EPHA6: variants seen among roughly 807,000 people sequenced by gnomAD.
EPHA6 encodes the protein EPH receptor A6.
A neutral mutation model predicts 112.0 loss-of-function variants in EPHA6; 50 were observed. The ratio of observed to expected loss-of-function variants is 0.45; its 90% CI spans 0.36 to 0.56. EPHA6 has a LOEUF of 0.56. Among genes scored for constraint, EPHA6 ranks in the 20% least tolerant of loss-of-function variants. EPHA6 has a pLI of 0.00. For synonymous variants in EPHA6, 529 were observed against 490.7 expected (o/e 1.08, Z -1.03); for missense variants, 1,280 against 1,417.4 (o/e 0.90, Z 1.56).
chr3:96,958,221 C>T (rs566722412), intron 2 of EPHA6, among the ~76,000 whole-genome samples: 4 of 150,196 alleles, frequency 2.7e-5, no homozygotes, highest in South Asian at 4.3e-4. Context: ...ACCCGGGAGG[C>T]GGAGGTTGCA....
intron 3 of EPHA6, among the ~76,000 whole-genome samples, chr3:97,215,092 A>G (rs1284549134): frequency 6.6e-6 from 1 of 152,234 alleles, no homozygotes; most frequent in African/African-American, 2.4e-5. Flanking sequence ...TTATATTAAT[A>G]TCAGTTCCTG....
chr3:96,889,455 A>T (rs553868265), intron 2 of EPHA6, among the ~76,000 whole-genome samples: 69 of 152,316 alleles, frequency 4.5e-4, no homozygotes, highest in Admixed American at 2.1e-3. Context: ...GCGGAACGTG[A>T]AAGGCACTTC....
At chr3:97,197,394 A>T (rs1395927984) in intron 3 of EPHA6, among the ~76,000 whole-genome samples, 1 of 151,824 alleles carries the variant, frequency 6.6e-6, no homozygotes, top group East Asian at 2.0e-4. Flanking sequence ...CACATGGTGG[A>T]TCCTGCCAAA....
chr3:97,250,865 CT>C (rs527843716), intron 5 of EPHA6, among the ~76,000 whole-genome samples: 50 of 146,482 alleles, frequency 3.4e-4, no homozygotes, highest in East Asian at 1.0e-3. Context: ...TTGATATTTT[CT>C]TTTTTTTTTT....
intron 3 of EPHA6, among the ~76,000 whole-genome samples, chr3:97,048,971 C>A (rs76771373): frequency 6.6e-6 from 1 of 152,048 alleles, no homozygotes. Flanking sequence ...AGTAAAGACA[C>A]GAAGGAGGTG....
chr3:96,829,901 T>C (rs2033909410), intron 1 of EPHA6, among the ~76,000 whole-genome samples: 1 of 151,430 alleles, frequency 6.6e-6, no homozygotes, highest in African/African-American at 2.4e-5. Flanking sequence ...GTTTATATGC[T>C]GAGCTAATAC....
rs1017917774 is a variant in EPHA6, at chr3:97,064,569, G to T, written c.1114+76576G>T. Among the ~76,000 whole-genome samples, 4 of 152,252 alleles carry T rather than the reference G, an allele frequency of 2.6e-5. No homozygotes were observed. The South Asian group carries it at 6.2e-4, about 24-fold the overall frequency. ...CTGGTCCAGTGCCTGACACATAGTA[G>T]TATGTCAATAATATCCATTTCTTTA... On this transcript the variant is annotated intron_variant, in intron 3 of 17. Transcript: ENST00000389672.
intron 4 of EPHA6, among the ~76,000 whole-genome samples, chr3:97,227,895 C>T (rs777506668): frequency 2.0e-5 from 3 of 152,142 alleles, no homozygotes; most frequent in South Asian, 2.1e-4. Context: ...GGTCTCTTAT[C>T]AGGAAGGAAG....
intron 14 of EPHA6, among the ~76,000 whole-genome samples, chr3:97,683,071 C>T (rs756276705): frequency 6.6e-6 from 1 of 152,026 alleles, no homozygotes; most frequent in Non-Finnish European, 1.5e-5. Context: ...ATTGTATGTA[C>T]CTGCATTTGT....
At position 97,400,223 on chromosome 3, in the gene EPHA6, T is replaced by C. The variant is rs137935319; in HGVS notation, c.1607-4927T>C. ...CAAAAACATATATTGAGGAAAGGAA[T>C]GTATGTTTTTGGCATCTTTGCCAAA... On this transcript the variant is annotated intron_variant, in intron 5 of 17. Transcript: ENST00000389672. Among the ~76,000 whole-genome samples, 97 of 151,764 alleles carry C rather than the reference T, an allele frequency of 6.4e-4. 4 individuals carry two copies. The East Asian group carries it at 0.018, about 28-fold the overall frequency.
chr3:97,416,187 G>A (rs2088109612), intron 6 of EPHA6, among the ~76,000 whole-genome samples: 1 of 151,890 alleles, frequency 6.6e-6, no homozygotes, highest in African/African-American at 2.4e-5. Context: ...AAACCAAAAT[G>A]AGTTAAATAC....
At position 97,643,530 on chromosome 3, in the gene EPHA6, C is replaced by G. The variant is rs1308162525; in HGVS notation, c.2784+5448C>G. Among the ~76,000 whole-genome samples the G allele has an allele frequency of 1.6e-4, 23 of 147,380 alleles. No homozygotes were observed. In the South Asian group the frequency reaches 1.7e-3, roughly 11 times the overall value. On this transcript the variant is annotated intron_variant, in intron 14 of 17. Transcript: ENST00000389672. ...TAAAGAGTCAAGACCCATCAGTGTG[C>G]TGTATTCAGGAAACCCATCTCACGT...
At chr3:97,495,330 T>C (rs2091947428) in intron 10 of EPHA6, among the ~76,000 whole-genome samples, 1 of 151,104 alleles carries the variant, frequency 6.6e-6, no homozygotes, top group Admixed American at 6.6e-5. Flanking sequence ...GATATAGATA[T>C]GTTGAAAATG....
chr3:97,042,673 C>A (rs1482762047), intron 3 of EPHA6, among the ~76,000 whole-genome samples: 8 of 152,132 alleles, frequency 5.3e-5, no homozygotes, highest in Admixed American at 3.3e-4. Flanking sequence ...TTAGAGAACT[C>A]CCCTGCTTTC....
intron 5 of EPHA6, among the ~76,000 whole-genome samples, chr3:97,328,566 G>C (rs928216685): frequency 6.6e-6 from 1 of 151,558 alleles, no homozygotes; most frequent in Non-Finnish European, 1.5e-5. Flanking sequence ...TCACTGCTGA[G>C]GTTTGAGAGT....
At chr3:97,135,120 C>T (rs2075734530) in intron 3 of EPHA6, among the ~76,000 whole-genome samples, 1 of 152,038 alleles carries the variant, frequency 6.6e-6, no homozygotes, top group African/African-American at 2.4e-5. Flanking sequence ...GAGATGATAC[C>T]TAGATGATAC....
intron 6 of EPHA6, among the ~76,000 whole-genome samples, chr3:97,423,230 G>A (rs1010999787): frequency 8.5e-5 from 13 of 152,078 alleles, no homozygotes; most frequent in African/African-American, 2.9e-4. Flanking sequence ...CTTCACAGAT[G>A]ATACAATTTT....
intron 5 of EPHA6, among the ~76,000 whole-genome samples, chr3:97,398,485 T>C (rs1027036892): frequency 6.6e-6 from 1 of 151,414 alleles, no homozygotes; most frequent in Admixed American, 6.6e-5. Flanking sequence ...AAATGGCAAA[T>C]TATCTGAGCA....
chr3:96,993,298 CTTTTT>C lies in EPHA6; in HGVS notation c.1114+5315_1114+5319del, dbSNP rs534627735. ...GTTTCCCTTCCACCTATCCCCCATT[CTTTTT>C]TTTTTTTTTAATGAGACAGAGTCTC... On this transcript the variant is annotated intron_variant, in intron 3 of 17. Transcript: ENST00000389672. 6.3e-4 allele frequency among the ~76,000 whole-genome samples: 89 copies of C among 141,210 alleles called. No homozygotes were observed. The East Asian group carries it at 0.015, about 23-fold the overall frequency. The allele number at this position is 141,210 out of a possible 152,430, so 92.6% of individuals were successfully genotyped here. A position where few individuals can be genotyped will look rare whatever the true frequency, so the allele number is the denominator to read the frequency against.
Sources: gnomAD v4.1 joint callset for allele counts (sites outside exome capture counted in the v4.1 genomes callset) on GRCh38, gnomAD v4.1.1 for gene constraint, MANE v1.5 for transcripts, NCBI Gene and HGNC (gene_info 2026-07-23, HGNC 2026-07-21) for gene names.